HPS3: variants seen among roughly 807,000 people sequenced by gnomAD.
HPS3 encodes the protein HPS3 biogenesis of lysosomal organelles complex 2 subunit 1.
HPS3 carries 79 observed loss-of-function variants against 110.9 expected under a neutral mutation model. That is an observed-to-expected ratio of 0.71 (90% CI 0.59 to 0.86). The LOEUF is 0.86. Among genes scored for constraint, HPS3 ranks in the 40% least tolerant of loss-of-function variants. HPS3 has a pLI of 0.00. For missense variants in HPS3, 1,197 were observed against 1,206.2 expected (o/e 0.99, Z 0.11); for synonymous variants, 428 against 451.0 (o/e 0.95, Z 0.65).
At position 149,173,205 on chromosome 3, in the gene HPS3, T is replaced by G. The variant is rs13098532; in HGVS notation, c.*983T>G. 1,294 of 152,968 alleles carry G rather than the reference T, an allele frequency of 8.5e-3. 11 individuals are homozygous for G. The highest frequency in any genetic ancestry group is 0.016 in the Admixed American group (246 of 15,346). 9.5% of individuals were successfully genotyped at this position (152,968 alleles called of 1,614,324 possible). A position where few individuals can be genotyped will look rare whatever the true frequency, so the allele number is the denominator to read the frequency against. ...AGATAACGTCCTTAAGACCATCTGT[T>G]CAGGGGTTCACAAAACTCAAATTTG... On this transcript the variant is annotated 3_prime_UTR_variant, in exon 17 of 17. Transcript: ENST00000296051.
chr3:149,168,018 T>A, intron 16 of HPS3, 35 bp downstream of exon 16: 2 of 1,197,694 alleles, frequency 1.7e-6, no homozygotes, highest in Non-Finnish European at 2.5e-6. Context: ...ATTATAAACT[T>A]AAGTTTCAGT....
intron 9 of HPS3, among the ~76,000 whole-genome samples, chr3:149,158,278 T>C (rs545506971): frequency 2.0e-5 from 3 of 152,244 alleles, no homozygotes; most frequent in South Asian, 2.1e-4. Context: ...ACCATTATTT[T>C]AGAGTCCGAT....
intron 10 of HPS3, among the ~76,000 whole-genome samples, chr3:149,159,520 A>C (rs1723660770): frequency 6.6e-6 from 1 of 152,130 alleles, no homozygotes; most frequent in Admixed American, 6.5e-5. Context: ...CCACAATTAC[A>C]CCACTGCATT....
intron 6 of HPS3, among the ~76,000 whole-genome samples, chr3:149,152,495 G>T (rs796735783): frequency 2.6e-5 from 4 of 152,194 alleles, no homozygotes; most frequent in African/African-American, 9.6e-5. Flanking sequence ...GAGGGGGAAG[G>T]CATAATCACA....
In HPS3 at chr3:149,155,159, G is replaced by A. The variant is rs766928384; in HGVS notation, c.1453G>A (p.Gly485Arg). 16 of 1,610,844 alleles carry A rather than the reference G, an allele frequency of 9.9e-6. No individual in the cohort carries two copies. In the East Asian group the frequency reaches 3.3e-4, roughly 34 times the overall value. ...CAAAATACCTCCTGTAGCTGAGGCT[G>A]GGTGGAATTTGTATATTGTGAATAC... ...KIKIPPVAEA[G>R]WNLYIVNTIS... Residue 485 changes from glycine to arginine, a missense_variant, in exon 8 of 17, where the codon GGG (glycine) becomes AGG (arginine). Physicochemically the swap from Gly to Arg is moderately radical, Grantham distance 125. Coordinates refer to ENST00000296051, the MANE Select transcript of HPS3 (RefSeq NM_032383.5).
chr3:149,159,403 A>C (rs1723654026), intron 10 of HPS3, among the ~76,000 whole-genome samples: 1 of 152,146 alleles, frequency 6.6e-6, no homozygotes, highest in Non-Finnish European at 1.5e-5. Context: ...TCTCTACAGA[A>C]AATTAAAAAA....
intron 1 of HPS3, chr3:149,130,479 T>G (rs1042446177): frequency 1.3e-5 from 2 of 155,096 alleles, no homozygotes; most frequent in Non-Finnish European, 2.9e-5. Flanking sequence ...ACTGCCCCCC[T>G]CTCTTCTCTT....
intron 4 of HPS3, among the ~76,000 whole-genome samples, chr3:149,144,049 C>A (rs1470063538): frequency 1.3e-5 from 2 of 152,066 alleles, no homozygotes; most frequent in Admixed American, 6.6e-5. Flanking sequence ...TAAAAGTATT[C>A]TTTTACTTAA....
chr3:149,164,812 C>G (rs1724244833), intron 14 of HPS3, among the ~76,000 whole-genome samples: 1 of 152,178 alleles, frequency 6.6e-6, no homozygotes, highest in South Asian at 2.1e-4. Flanking sequence ...GGCATCCTGA[C>G]CCAAATGCTG....
At position 149,162,435 on chromosome 3, in the gene HPS3, G is replaced by C. The variant is rs776700043; in HGVS notation, c.2292+102G>C. 1.7e-5 allele frequency: 19 copies of C among 1,108,260 alleles called. No individual in the cohort carries two copies. In the South Asian group the frequency reaches 2.3e-4, roughly 14 times the overall value. The allele number at this position is 1,108,260 out of a possible 1,614,324, so 68.7% of individuals were successfully genotyped here. A position where few individuals can be genotyped will look rare whatever the true frequency, so the allele number is the denominator to read the frequency against. On this transcript the variant is annotated intron_variant, in intron 12 of 16. Coordinates refer to ENST00000296051, the MANE Select transcript of HPS3 (RefSeq NM_032383.5). The stretch of plus-strand genomic sequence containing the variant: ...TGAGTTTTTCATTTGTTTGTTTATT[G>C]AAAAAACAGACATACATAATCAGTT...
At chr3:149,139,068 C>T (rs1722282863) in intron 1 of HPS3, among the ~76,000 whole-genome samples, 1 of 151,998 alleles carries the variant, frequency 6.6e-6, no homozygotes, top group Admixed American at 6.6e-5. Flanking sequence ...TAGATATAAG[C>T]CTATGTATTA....
At chr3:149,141,468 G>C in intron 4 of HPS3, 88 bp downstream of exon 4, 1 of 1,014,664 alleles carries the variant, frequency 9.9e-7, no homozygotes, top group Non-Finnish European at 1.6e-6. Flanking sequence ...TGGGTAATAG[G>C]TTTGGTGGTT....
intron 11 of HPS3, among the ~76,000 whole-genome samples, chr3:149,161,220 T>C (rs1254074835): frequency 1.3e-5 from 2 of 152,204 alleles, no homozygotes; most frequent in East Asian, 1.9e-4. Flanking sequence ...CTTCATAATT[T>C]TGAAAAAACT....
Position 149,153,558 on chromosome 3 carries a change from C to T in HPS3, c.1310C>T (p.Ala437Val). 1 of 1,613,894 alleles carries T rather than the reference C, an allele frequency of 6.2e-7. No homozygotes were observed. The highest frequency in any genetic ancestry group is 8.5e-7 in the Non-Finnish European group (1 of 1,179,750). ...LRIQLFIGLK[A>V]ICHFKNHIIL... Reference sequence around the variant, plus strand: ...ATACAGCTTTTCATAGGCTTGAAAGCCATCTGTCACTTTAAAAACCACATC... The same window carrying T: ...ATACAGCTTTTCATAGGCTTGAAAGTCATCTGTCACTTTAAAAACCACATC... Residue 437 changes from alanine to valine, a missense_variant, in exon 7 of 17, where the codon GCC becomes GTC. Transcript: ENST00000296051.
At chr3:149,144,405 T>G (rs1722667448) in intron 4 of HPS3, among the ~76,000 whole-genome samples, 3 of 151,954 alleles carry the variant, frequency 2.0e-5, no homozygotes, top group Admixed American at 2.0e-4. Flanking sequence ...TAAAAAAAAT[T>G]TTGTTGATAC....
At position 149,129,937 on chromosome 3, in the gene HPS3, G is replaced by A; in HGVS notation, c.214G>A (p.Ala72Thr). Reference sequence around the variant, plus strand: ...GGTGTTGCGCCTGGCCTACAGCGAGGCTGGTGAGTAATCTAGAGAGCCAGG... The same window carrying A: ...GGTGTTGCGCCTGGCCTACAGCGAGACTGGTGAGTAATCTAGAGAGCCAGG... ...GRVLRLAYSE[A>T]GDYLVAIEEK... The change falls in exon 1 of 17, where the codon GCT becomes ACT. Residue 72 changes from alanine (A) to threonine (T), a missense_variant. Transcript: ENST00000296051. The A allele has an allele frequency of 1.9e-6, 3 of 1,543,400 alleles. No homozygotes were observed. The highest frequency in any genetic ancestry group is 2.2e-4 in the Middle Eastern group (1 of 4,494).
At chr3:149,166,454 G>A (rs1724425266) in intron 14 of HPS3, among the ~76,000 whole-genome samples, 1 of 152,122 alleles carries the variant, frequency 6.6e-6, no homozygotes, top group Admixed American at 6.5e-5. Flanking sequence ...TTCTGTATGT[G>A]CATTTACCTA....
rs1559915051 is a variant in HPS3 at position 149,150,620 on chromosome 3, T to C, written c.1185T>C (p.Thr395=). ...VITSNNLQCF[T]VRCSAAAARE... The stretch of plus-strand genomic sequence containing the variant: ...TCAGTAACAACCTGCAGTGTTTCAC[T>C]GTGCGGTGCAGTGCGGCGGCAGCTC... Residue 395 remains threonine, a synonymous_variant, in exon 6 of 17, where the codon ACT becomes ACC. Transcript: ENST00000296051. The C allele has an allele frequency of 1.2e-6, 2 of 1,614,100 alleles. No individual in the cohort carries two copies. Among genetic ancestry groups the C allele is most frequent in the Admixed American group, 1.7e-5 (1 of 60,006 alleles).
chr3:149,139,967 A>C, intron 1 of HPS3, 37 bp from the exon 2 acceptor site: 1 of 1,589,200 alleles, frequency 6.3e-7, no homozygotes, highest in Non-Finnish European at 8.6e-7. Context: ...TGTATTTCTA[A>C]TTACAAATTC....
Sources: allele counts gnomAD v4.1 joint callset (sites outside exome capture counted in the v4.1 genomes callset), GRCh38; gene constraint gnomAD v4.1.1; transcripts MANE v1.5; gene names NCBI Gene and HGNC (gene_info 2026-07-23, HGNC 2026-07-21).